Variants in TRAPPC8 observed in about 807,000 individuals in gnomAD.
TRAPPC8 encodes the protein general sporulation gene 1 homolog.
A neutral mutation model predicts 174.3 loss-of-function variants in TRAPPC8; 54 were observed. That is an observed-to-expected ratio of 0.31 (90% CI 0.25 to 0.39). TRAPPC8 has a LOEUF of 0.39. Among genes scored for constraint, TRAPPC8 ranks in the 10% least tolerant of loss-of-function variants. The pLI, the probability that TRAPPC8 is intolerant of heterozygous loss-of-function variation, is 1.00. For synonymous variants in TRAPPC8, 630 were observed against 579.9 expected, an observed-to-expected ratio of 1.09 and a Z score of -1.24; for missense variants, 1,531 against 1,699.1, an observed-to-expected ratio of 0.90 and a Z score of 1.74.
chr18:31,898,637 T>C (rs1392653119), intron 10 of TRAPPC8, among the ~76,000 whole-genome samples: 1 of 152,262 alleles, frequency 6.6e-6, no homozygotes, highest in South Asian at 2.1e-4. Flanking sequence ...CATTAGGATA[T>C]TTCTGCTGGA....
intron 24 of TRAPPC8, among the ~76,000 whole-genome samples, chr18:31,850,179 T>A (rs1004022585): frequency 2.6e-5 from 4 of 152,094 alleles, no homozygotes; most frequent in Non-Finnish European, 5.9e-5. Context: ...CTTGAACTAC[T>A]GAGCTCAAGC....
At chr18:31,851,029 A>G (rs996671211) in intron 24 of TRAPPC8, among the ~76,000 whole-genome samples, 9 of 152,232 alleles carry the variant, frequency 5.9e-5, no homozygotes, top group African/African-American at 2.2e-4. Flanking sequence ...AGATATTTCT[A>G]AATAGCTGTT....
Position 31,852,672 on chromosome 18 carries a change from A to G in TRAPPC8, c.3434-9T>C, listed in dbSNP as rs1306764317. 1 of 1,610,288 alleles carries G rather than the reference A, an allele frequency of 6.2e-7. No homozygotes were observed. The highest frequency in any genetic ancestry group is 8.5e-7 in the Non-Finnish European group (1 of 1,177,332). The stretch of plus-strand genomic sequence containing the variant: ...ACTGGCAAGTTTGGTATCTAGGAAG[A>G]AAAAGGGAAATTTCAAAGATGTTTC... On this transcript the variant is annotated splice_polypyrimidine_tract_variant and intron_variant, in intron 22 of 28. Transcript: ENST00000283351.
chr18:31,846,070 G>A (rs558774365), intron 26 of TRAPPC8, among the ~76,000 whole-genome samples: 64 of 151,822 alleles, frequency 4.2e-4, no homozygotes, highest in Non-Finnish European at 9.1e-4. Flanking sequence ...AAAATATAGA[G>A]ATATAGTTTC....
intron 10 of TRAPPC8, among the ~76,000 whole-genome samples, chr18:31,899,350 A>G (rs1468928279): frequency 6.6e-6 from 1 of 152,232 alleles, no homozygotes; most frequent in African/African-American, 2.4e-5. Flanking sequence ...AAATGAGCAT[A>G]TAGATTTCTT....
chr18:31,879,996 A>AAATG (rs2035340251), intron 12 of TRAPPC8, among the ~76,000 whole-genome samples: 1 of 148,266 alleles, frequency 6.7e-6, no homozygotes, highest in Non-Finnish European at 1.5e-5. Flanking sequence ...ATAAACAACC[A>AAATG]AATGAAGCCC....
At chr18:31,885,608 C>T (rs1287338511) in intron 12 of TRAPPC8, among the ~76,000 whole-genome samples, 2 of 151,928 alleles carry the variant, frequency 1.3e-5, no homozygotes, top group African/African-American at 2.4e-5. Context: ...CCTGTAATCC[C>T]AGCACTTTGG....
In TRAPPC8 at chr18:31,931,517, A is replaced by G. The variant is rs1161662744; in HGVS notation, c.164T>C (p.Met55Thr). Residue 55 changes from methionine to threonine, a missense_variant, in exon 2 of 29, where the codon ATG becomes ACG. Met to Thr is a moderately conservative substitution (Grantham distance 81, BLOSUM62 -1). Transcript: ENST00000283351. ...GTGAAGTTGATTATTAGGATCTCTCATGTGAACTTTAAAGAAAAAAAGAAA... is the reference window on the plus strand; with the variant it reads ...GTGAAGTTGATTATTAGGATCTCTCGTGTGAACTTTAAAGAAAAAAAGAAA... ...PFSRLTSEVHMRDPNNQLHVI... is the reference protein window; with the variant it reads ...PFSRLTSEVHTRDPNNQLHVI... 1 of 1,555,606 alleles carries G rather than the reference A, an allele frequency of 6.4e-7. No homozygotes were observed. The highest frequency in any genetic ancestry group is 8.7e-7 in the Non-Finnish European group (1 of 1,153,280).
chr18:31,940,623 C>T (rs1405238731), intron 1 of TRAPPC8, among the ~76,000 whole-genome samples: 3 of 151,932 alleles, frequency 2.0e-5, no homozygotes, highest in Non-Finnish European at 4.4e-5. Context: ...CTCAGCTTCT[C>T]GAGTAGCTGG....
chr18:31,838,288 C>T (rs1481202654), intron 27 of TRAPPC8, among the ~76,000 whole-genome samples: 2 of 152,182 alleles, frequency 1.3e-5, no homozygotes, highest in Non-Finnish European at 1.5e-5. Context: ...ACTCTTATCT[C>T]CTAGATTAAT....
chr18:31,897,770 T>C lies in TRAPPC8; in HGVS notation c.1596+16A>G, dbSNP rs1568108229. On this transcript the variant is annotated intron_variant, in intron 11 of 28. Transcript: ENST00000283351. The stretch of plus-strand genomic sequence containing the variant: ...GAACAATGCTAATTAAAGCAAATAC[T>C]ACACAGTTTCAGTACCTCACTGGTC... 1.3e-6 allele frequency: 2 copies of C among 1,535,608 alleles called. No individual in the cohort carries two copies. The highest frequency in any genetic ancestry group is 1.3e-5 in the South Asian group (1 of 77,514).
intron 5 of TRAPPC8, among the ~76,000 whole-genome samples, chr18:31,911,073 G>C (rs902132388): frequency 2.0e-5 from 3 of 152,048 alleles, no homozygotes; most frequent in Non-Finnish European, 2.9e-5. Flanking sequence ...CCATTTATGA[G>C]ACAGAAAAAT....
At chr18:31,932,157 C>T (rs1044834993) in intron 1 of TRAPPC8, among the ~76,000 whole-genome samples, 10 of 152,118 alleles carry the variant, frequency 6.6e-5, no homozygotes, top group East Asian at 3.9e-4. Context: ...TGGCCAGGCG[C>T]GGTGGCTCAC....
At chr18:31,886,246 T>A (rs2035706784) in intron 12 of TRAPPC8, among the ~76,000 whole-genome samples, 1 of 148,866 alleles carries the variant, frequency 6.7e-6, no homozygotes. Context: ...TGACCTCAGG[T>A]GATCAGCCCA....
At chr18:31,921,961 A>G (rs952578888) in intron 2 of TRAPPC8, among the ~76,000 whole-genome samples, 6 of 152,334 alleles carry the variant, frequency 3.9e-5, no homozygotes, top group African/African-American at 1.4e-4. Context: ...TGAAAACTAT[A>G]TTACATGAGT....
intron 1 of TRAPPC8, among the ~76,000 whole-genome samples, chr18:31,936,299 A>C (rs1337868365): frequency 6.6e-6 from 1 of 151,690 alleles, no homozygotes; most frequent in African/African-American, 2.4e-5. Flanking sequence ...TCTCTACAAA[A>C]AAAATTTTTT....
chr18:31,862,913 G>A (rs1214828591), intron 19 of TRAPPC8, among the ~76,000 whole-genome samples: 1 of 151,854 alleles, frequency 6.6e-6, no homozygotes, highest in Non-Finnish European at 1.5e-5. Context: ...AAATTAGCCG[G>A]TGCATGCTGG....
chr18:31,858,768 C>T (rs1349627516), intron 19 of TRAPPC8, among the ~76,000 whole-genome samples: 1 of 152,140 alleles, frequency 6.6e-6, no homozygotes, highest in Admixed American at 6.6e-5. Context: ...TGAAATCATA[C>T]AGTAAGTTAT....
chr18:31,884,543 T>C (rs200047068), intron 12 of TRAPPC8, among the ~76,000 whole-genome samples: 3 of 152,194 alleles, frequency 2.0e-5, no homozygotes, highest in Non-Finnish European at 2.9e-5. Context: ...AAATTACTTA[T>C]CACTGCCACT....
Sources: gnomAD v4.1 joint callset for allele counts (sites outside exome capture counted in the v4.1 genomes callset) on GRCh38, gnomAD v4.1.1 for gene constraint, MANE v1.5 for transcripts, NCBI Gene and HGNC (gene_info 2026-07-23, HGNC 2026-07-21) for gene names.